C8orf34: variants seen among roughly 807,000 people sequenced by gnomAD.
C8orf34 encodes the protein chromosome 8 open reading frame 34.
Under a neutral mutation model 68.3 loss-of-function variants are expected in C8orf34, and 65 were observed. The ratio of observed to expected loss-of-function variants is 0.95; its 90% CI spans 0.78 to 1.17. C8orf34 has a LOEUF of 1.17. Ranked by LOEUF, C8orf34 falls within the 50% of genes most tolerant of loss-of-function variation. The probability of loss-of-function intolerance (pLI) is 0.00; values close to 1 mark genes in which losing one functional copy is unlikely to be tolerated. For missense variants in C8orf34, 664 were observed against 655.4 expected, an observed-to-expected ratio of 1.01 and a Z score of -0.14; for synonymous variants, 244 against 241.2, an observed-to-expected ratio of 1.01 and a Z score of -0.11.
chr8:68,618,014 TC>T (rs1818277851), intron 7 of C8orf34, among the ~76,000 whole-genome samples: 2 of 152,190 alleles, frequency 1.3e-5, no homozygotes, highest in Admixed American at 1.3e-4. Context: ...TATGCCTTTT[TC>T]TATTGTGTTT....
intron 7 of C8orf34, among the ~76,000 whole-genome samples, chr8:68,616,759 A>G (rs1269328225): frequency 5.9e-5 from 9 of 152,084 alleles, no homozygotes; most frequent in East Asian, 1.9e-4. Context: ...AAAAAAATGT[A>G]TATTCTGTTG....
intron 10 of C8orf34, among the ~76,000 whole-genome samples, chr8:68,765,269 G>A (rs747491630): frequency 1.3e-5 from 2 of 152,228 alleles, no homozygotes; most frequent in Non-Finnish European, 2.9e-5. Context: ...TTTGCCCAAT[G>A]TGCGTAAGCA....
At chr8:68,712,367 TA>T in intron 9 of C8orf34, among the ~76,000 whole-genome samples, 1 of 152,274 alleles carries the variant, frequency 6.6e-6, no homozygotes, top group East Asian at 1.9e-4. Flanking sequence ...GTAAATGTCT[TA>T]AATGCTCCAC....
chr8:68,614,589 A>G (rs1009402026), intron 7 of C8orf34, among the ~76,000 whole-genome samples: 1 of 152,204 alleles, frequency 6.6e-6, no homozygotes, highest in Non-Finnish European at 1.5e-5. Flanking sequence ...GTCAAAGATC[A>G]GATAGTTGTA....
intron 10 of C8orf34, among the ~76,000 whole-genome samples, chr8:68,773,732 A>G (rs1489076803): frequency 1.3e-5 from 2 of 152,020 alleles, no homozygotes; most frequent in East Asian, 3.9e-4. Flanking sequence ...GGTGTCACCC[A>G]TTGCAGTGAC....
chr8:68,726,506 A>T (rs1821834270), intron 10 of C8orf34, among the ~76,000 whole-genome samples: 1 of 152,190 alleles, frequency 6.6e-6, no homozygotes, highest in Admixed American at 6.5e-5. Flanking sequence ...AGACTCTGGT[A>T]ATTCTGGAAT....
chr8:68,794,147 T>A (rs1009013267), intron 12 of C8orf34, among the ~76,000 whole-genome samples: 1 of 152,050 alleles, frequency 6.6e-6, no homozygotes, highest in African/African-American at 2.4e-5. Flanking sequence ...TATTTTTGAT[T>A]TCGGAATTTT....
Position 68,772,801 on chromosome 8 carries a change from C to CCTTT in C8orf34, c.1405-3583_1405-3580dup, listed in dbSNP as rs777318220. 1.2e-3 allele frequency among the ~76,000 whole-genome samples: 176 copies of CCTTT among 146,762 alleles called. 1 individual carries two copies. The highest frequency in any genetic ancestry group is 5.7e-3 in the East Asian group (28 of 4,916). On this transcript the variant is annotated intron_variant, in intron 10 of 13. Transcript: ENST00000518698. ...TCTTTCTTTCTTTCCCTCCCTCCCT[C>CCTTT]CTTTCTTTCTTTCTTTCTGTCTGTC...
At chr8:68,489,534 C>T (rs1204714717) in intron 5 of C8orf34, among the ~76,000 whole-genome samples, 1 of 152,084 alleles carries the variant, frequency 6.6e-6, no homozygotes, top group Admixed American at 6.6e-5. Flanking sequence ...TACACATCAC[C>T]TGGAGATAAT....
intron 8 of C8orf34, among the ~76,000 whole-genome samples, chr8:68,693,034 T>C (rs1044231394): frequency 2.0e-5 from 3 of 152,096 alleles, no homozygotes; most frequent in Admixed American, 6.6e-5. Flanking sequence ...GAGCTAAATT[T>C]CTCCAAGTCA....
At chr8:68,581,994 C>T (rs1216058949) in intron 7 of C8orf34, among the ~76,000 whole-genome samples, 5 of 152,004 alleles carry the variant, frequency 3.3e-5, no homozygotes. Flanking sequence ...GAGGTAAAAA[C>T]AAAATTGTTT....
chr8:68,632,934 G>A (rs1261945904), intron 7 of C8orf34, among the ~76,000 whole-genome samples: 1 of 152,208 alleles, frequency 6.6e-6, no homozygotes, highest in Non-Finnish European at 1.5e-5. Context: ...GCAGGTCAGA[G>A]CCCTCAAGGA....
rs554461437 is a variant in C8orf34 at position 68,553,363 on chromosome 8, C to T, written c.1105+20214C>T. On this transcript the variant is annotated intron_variant, in intron 7 of 13. Coordinates refer to ENST00000518698, the MANE Select transcript of C8orf34 (RefSeq NM_052958.4). ...TGGAGCCACTGCACTCCAGCCTGGG[C>T]GACAGAGCGAGACTCCATCTCAAAA... 1.0e-3 allele frequency among the ~76,000 whole-genome samples: 125 copies of T among 125,322 alleles called. 1 individual carries two copies. The Middle Eastern group carries it at 0.019, about 19-fold the overall frequency. 82.2% of individuals were successfully genotyped at this position (125,322 alleles called of 152,430 possible).
intron 7 of C8orf34, among the ~76,000 whole-genome samples, chr8:68,630,860 GCCTCAA>G (rs1390592147): frequency 1.3e-5 from 2 of 151,378 alleles, no homozygotes. Context: ...GCTCACTGCA[GCCTCAA>G]CCTCATGGGC....
At chr8:68,675,073 A>G (rs2130856310) in intron 8 of C8orf34, among the ~76,000 whole-genome samples, 1 of 152,244 alleles carries the variant, frequency 6.6e-6, no homozygotes, top group Admixed American at 6.5e-5. Flanking sequence ...TTCAAACATG[A>G]AGGAGAAATA....
chr8:68,806,306 T>C (rs910012375), intron 12 of C8orf34, among the ~76,000 whole-genome samples: 1 of 152,150 alleles, frequency 6.6e-6, no homozygotes, highest in Non-Finnish European at 1.5e-5. Flanking sequence ...TTGGATCACC[T>C]TTCTTCTGCC....
At chr8:68,348,971 C>A (rs1021976380) in intron 1 of C8orf34, among the ~76,000 whole-genome samples, 1 of 151,920 alleles carries the variant, frequency 6.6e-6, no homozygotes, top group African/African-American at 2.4e-5. Context: ...TTTCTCTTTC[C>A]TGATTGCCCT....
chr8:68,534,183 T>A, intron 7 of C8orf34: 1 of 985,378 alleles, frequency 1.0e-6, no homozygotes, highest in Non-Finnish European at 1.2e-6. Context: ...TGGTGACAGG[T>A]TTGAAAGATG....
At chr8:68,798,846 A>G (rs568180284) in intron 12 of C8orf34, among the ~76,000 whole-genome samples, 17 of 152,348 alleles carry the variant, frequency 1.1e-4, no homozygotes, top group African/African-American at 3.6e-4. Context: ...AAAAATTTAA[A>G]GAGTAACATT....
Sources: allele counts gnomAD v4.1 joint callset (sites outside exome capture counted in the v4.1 genomes callset), GRCh38; gene constraint gnomAD v4.1.1; transcripts MANE v1.5; gene names NCBI Gene and HGNC (gene_info 2026-07-23, HGNC 2026-07-21).